The following GSDMA variants were observed in gnomAD, a reference collection of about 807,000 sequenced individuals.
The protein encoded by GSDMA is gasdermin-A.
A neutral mutation model predicts 54.3 loss-of-function variants in GSDMA; 55 were observed. The ratio of observed to expected loss-of-function variants is 1.01; its 90% confidence interval spans 0.82 to 1.27. GSDMA has a LOEUF of 1.27. GSDMA is among the 50% of genes most tolerant of loss of function. The pLI is 0.00. For missense variants in GSDMA, 542 were observed against 542.6 expected (o/e 1.00, Z 0.01); for synonymous variants, 211 against 224.7 (o/e 0.94, Z 0.54).
rs750863795 is a variant in GSDMA, at chr17:39,970,616, C to T, written c.527C>T (p.Ser176Phe). 8.5e-5 allele frequency: 134 copies of T among 1,575,502 alleles called. 1 individual carries two copies. Among genetic ancestry groups the T allele is most frequent in the Non-Finnish European group, 4.5e-5 (52 of 1,161,378 alleles). The change falls in exon 4 of 12, where the codon TCC (serine) becomes TTC (phenylalanine). Residue 176 changes from serine (S) to phenylalanine (F), a missense_variant. Coordinates refer to ENST00000301659, the MANE Select transcript of GSDMA (RefSeq NM_178171.5). ...GCCGGCAAGGCAGAGGCCTGCTTCT[C>T]CCTCCCCTTCTTCGCCCCATTGGGG... ...ERAGKAEACF[S>F]LPFFAPLGLQ...
At chr17:39,966,140 T>C (rs1979649939) in intron 2 of GSDMA, 120 bp from the exon 3 acceptor site, 1 of 1,044,834 alleles carries the variant, frequency 9.6e-7, no homozygotes, top group Admixed American at 2.4e-5. Flanking sequence ...TTGCCCAGGC[T>C]GGTTTCAAAC....
In GSDMA at chr17:39,977,220, C is replaced by T. The variant is rs1598308983; in HGVS notation, c.*162C>T. On this transcript the variant is annotated 3_prime_UTR_variant, in exon 12 of 12. Transcript: ENST00000301659. The stretch of plus-strand genomic sequence containing the variant: ...CTTCCACCTGCCCAACCATATATCA[C>T]CCCCTACCCCTCCAGCTCCGCAACC... The T allele has an allele frequency of 1.4e-6, 1 of 734,956 alleles. No homozygotes were observed. The highest frequency in any genetic ancestry group is 1.8e-5 in the African/African-American group (1 of 56,790). 45.5% of individuals were successfully genotyped at this position (734,956 alleles called of 1,614,324 possible).
intron 3 of GSDMA, 43 bp from the exon 4 acceptor site, chr17:39,970,439 G>A (rs1487050668): frequency 6.7e-7 from 1 of 1,493,630 alleles, no homozygotes; most frequent in Non-Finnish European, 9.0e-7. Context: ...GGTACAGGCA[G>A]GAAGGAGCTC....
At chr17:39,972,716 C>T (rs1007650532) in intron 7 of GSDMA, 103 bp downstream of exon 7, 12 of 1,007,248 alleles carry the variant, frequency 1.2e-5, no homozygotes, top group African/African-American at 6.4e-5. Flanking sequence ...AATAGCAGAG[C>T]GAATCTCAGC....
chr17:39,963,968 C>T (rs1427236180), intron 1 of GSDMA, among the ~76,000 whole-genome samples: 1 of 152,228 alleles, frequency 6.6e-6, no homozygotes, highest in Non-Finnish European at 1.5e-5. Flanking sequence ...TTTCCACACA[C>T]ATTTGCCAAG....
Position 39,971,541 on chromosome 17 carries a change from G to A in GSDMA, c.576G>A (p.Lys192=), listed in dbSNP as rs761078810. 1.1e-5 allele frequency: 18 copies of A among 1,613,366 alleles called. No homozygotes were observed. Among genetic ancestry groups the A allele is most frequent in the Non-Finnish European group, 1.5e-5 (18 of 1,179,344 alleles). ...AATTCTAGGGATCCATAAATCACAA[G>A]GAGGCTGTAACCATCCCCAAGGGCT... is the stretch of plus-strand genomic sequence containing the variant. ...PLGLQGSINH[K]EAVTIPKGCV... The change falls in exon 5 of 12, where the codon AAG becomes AAA. Residue 192 remains lysine, a synonymous_variant. Coordinates refer to ENST00000301659, the MANE Select transcript of GSDMA (RefSeq NM_178171.5).
intron 3 of GSDMA, among the ~76,000 whole-genome samples, chr17:39,969,777 C>T (rs960113480): frequency 3.3e-5 from 5 of 151,996 alleles, no homozygotes; most frequent in African/African-American, 1.2e-4. Context: ...TCGCTTGAAC[C>T]CGGGAGGCAG....
chr17:39,967,407 A>G (rs956821733), intron 3 of GSDMA, among the ~76,000 whole-genome samples: 8 of 152,196 alleles, frequency 5.3e-5, no homozygotes, highest in African/African-American at 1.7e-4. Context: ...GAAGGCACAC[A>G]GGTGAGCAAT....
chr17:39,973,742 A>T, intron 7 of GSDMA, 68 bp from the exon 8 acceptor site: 1 of 1,346,926 alleles, frequency 7.4e-7, no homozygotes, highest in Non-Finnish European at 1.1e-6. Context: ...TTAGTGTCTC[A>T]ACCCCTGGGT....
chr17:39,965,494 T>C, intron 1 of GSDMA, 189 bp from the exon 2 acceptor site: 1 of 587,140 alleles, frequency 1.7e-6, no homozygotes, highest in Non-Finnish European at 3.0e-6. Context: ...CAGCCCTAGG[T>C]TCCTCATCAT....
At position 39,971,461 on chromosome 17, in the gene GSDMA, C is replaced by T. The variant is rs941571763; in HGVS notation, c.559-63C>T. 212 of 1,343,998 alleles carry T rather than the reference C, an allele frequency of 1.6e-4. 1 individual carries two copies. The highest frequency in any genetic ancestry group is 2.0e-4 in the Non-Finnish European group (190 of 941,150). The allele number at this position is 1,343,998 out of a possible 1,614,324, so 83.3% of individuals were successfully genotyped here. A position where few individuals can be genotyped will look rare whatever the true frequency, so the allele number is the denominator to read the frequency against. On this transcript the variant is annotated intron_variant, in intron 4 of 11. Transcript: ENST00000301659. ...CTGACCCTGCACCTCCCCCAACTCA[C>T]GCTCCCAATATCTCATACTTAAGAT...
intron 10 of GSDMA, 150 bp downstream of exon 10, chr17:39,975,164 C>T (rs1276324027): frequency 1.7e-6 from 1 of 603,404 alleles, no homozygotes; most frequent in East Asian, 3.1e-5. Context: ...AAATTGGTTT[C>T]ATGGCTGGCT....
In GSDMA at chr17:39,974,362, TCC is replaced by T. The variant is rs761596340; in HGVS notation, c.843_844del (p.Leu282AlafsTer18). 4.1e-5 allele frequency: 66 copies of T among 1,602,732 alleles called. No individual in the cohort carries two copies. Among genetic ancestry groups the T allele is most frequent in the Non-Finnish European group, 5.6e-5 (66 of 1,174,766 alleles). On this transcript the variant is annotated frameshift_variant, in exon 9 of 12. Coordinates refer to ENST00000301659, the MANE Select transcript of GSDMA (RefSeq NM_178171.5). LOFTEE classifies it high-confidence loss of function. ...GAAGCTGAGCCGAGTAGGGCAAAGC[TCC>T]CTGCTCAGCTCCCTCAGCAAACTTC... is the stretch of plus-strand genomic sequence containing the variant. ...VEKLSRVGQS[S>X]LLSSLSKLLG...
chr17:39,965,530 C>A, intron 1 of GSDMA, 153 bp from the exon 2 acceptor site: 2 of 619,192 alleles, frequency 3.2e-6, no homozygotes, highest in Non-Finnish European at 5.7e-6. Context: ...TTGATTCTTT[C>A]CAGCTGTGAC....
In GSDMA at chr17:39,965,824, C is replaced by T. The variant is rs747066041; in HGVS notation, c.137C>T (p.Thr46Met). 4.4e-5 allele frequency: 70 copies of T among 1,588,560 alleles called. No homozygotes were observed. The South Asian group carries it at 5.5e-4, about 12-fold the overall frequency. ...CTGGTGCTGAGGAAGAGGAAGAGCA[C>T]GCTCTTCTGGGGGGCCCGGTACGTC... ...FCLVLRKRKSTLFWGARYVRT... is the reference protein window; with the variant it reads ...FCLVLRKRKSMLFWGARYVRT... Residue 46 changes from threonine to methionine, a missense_variant, in exon 2 of 12, where the codon ACG becomes ATG. By Grantham distance (81) the Thr-to-Met change is moderately conservative. Coordinates refer to ENST00000301659, the MANE Select transcript of GSDMA (RefSeq NM_178171.5).
chr17:39,972,100 T>TGCCCC, intron 5 of GSDMA, 29 bp from the exon 6 acceptor site: 30 of 835,062 alleles, frequency 3.6e-5, no homozygotes, highest in Non-Finnish European at 5.3e-5. Flanking sequence ...CTAAGTGTCC[T>TGCCCC]CCCACCCTCC....
In GSDMA at chr17:39,965,914, C is replaced by A. The variant is rs144409708; in HGVS notation, c.214+13C>A. The A allele has an allele frequency of 1.3e-6, 2 of 1,549,174 alleles. No individual in the cohort carries two copies. Among genetic ancestry groups the A allele is most frequent in the Non-Finnish European group, 1.7e-6 (2 of 1,146,362 alleles). ...AGCTCACCTTCAGGTCAGCCTCAAG[C>A]GGGGCTGGGAACTGAGGGATACTGA... On this transcript the variant is annotated intron_variant, in intron 2 of 11. Transcript: ENST00000301659.
At position 39,976,713 on chromosome 17, in the gene GSDMA, G is replaced by A. The variant is rs878902385; in HGVS notation, c.1096-103G>A. On this transcript the variant is annotated intron_variant, in intron 11 of 11. Coordinates refer to ENST00000301659, the MANE Select transcript of GSDMA (RefSeq NM_178171.5). ...GGGGTTGTAATGTAAGGTAAAGTAA[G>A]GAATTCTAATAAGGGGAATGTAACC... 1.3e-5 allele frequency: 19 copies of A among 1,474,046 alleles called. No individual in the cohort carries two copies. In the South Asian group the frequency reaches 2.4e-4, roughly 19 times the overall value. 91.3% of individuals were successfully genotyped at this position (1,474,046 alleles called of 1,614,324 possible).
intron 4 of GSDMA, 128 bp from the exon 5 acceptor site, chr17:39,971,396 G>A (rs911316664): frequency 1.4e-5 from 9 of 659,842 alleles, no homozygotes; most frequent in Admixed American, 7.6e-5. Context: ...GGACACCACT[G>A]AAGGCTTCCA....
Sources: gnomAD v4.1 joint callset for allele counts (sites outside exome capture counted in the v4.1 genomes callset) on GRCh38, gnomAD v4.1.1 for gene constraint, MANE v1.5 for transcripts, NCBI Gene and HGNC (gene_info 2026-07-23, HGNC 2026-07-21) for gene names.